The following SNTG2 variants were observed in gnomAD, a reference collection of about 807,000 sequenced individuals.
SNTG2 encodes syntrophin gamma 2, also known as gamma-2-syntrophin.
SNTG2 carries 74 observed loss-of-function variants against 70.9 expected under a neutral mutation model. That is an observed-to-expected ratio of 1.04 (90% CI 0.86 to 1.27). The LOEUF (loss-of-function observed/expected upper bound fraction) is 1.27. SNTG2 is among the 50% of genes most tolerant of loss of function. The pLI is 0.00. For synonymous variants in SNTG2, 278 were observed against 273.8 expected (o/e 1.02, Z -0.15); for missense variants, 717 against 690.7 (o/e 1.04, Z -0.43).
intron 4 of SNTG2, chr2:1,102,856 G>A (rs1665868427): frequency 1.3e-5 from 2 of 152,368 alleles, no homozygotes; most frequent in Non-Finnish European, 2.9e-5. Context: ...CTTGCCTGAT[G>A]TCCGAGTGGA....
At chr2:1,004,577 T>G (rs1384239643) in intron 1 of SNTG2, among the ~76,000 whole-genome samples, 1 of 152,198 alleles carries the variant, frequency 6.6e-6, no homozygotes, top group Non-Finnish European at 1.5e-5. Context: ...CAATGTCACA[T>G]GTCAGGGAAT....
At chr2:1,187,186 A>G (rs778455267) in intron 8 of SNTG2, among the ~76,000 whole-genome samples, 12 of 152,256 alleles carry the variant, frequency 7.9e-5, no homozygotes, top group Non-Finnish European at 1.0e-4. Context: ...CAAATTCAGA[A>G]AGAACAATGT....
intron 16 of SNTG2, among the ~76,000 whole-genome samples, chr2:1,339,268 T>C (rs1659967413): frequency 6.6e-6 from 1 of 152,244 alleles, no homozygotes; most frequent in Non-Finnish European, 1.5e-5. Flanking sequence ...CATTAAATCC[T>C]TCTAAGATAT....
At chr2:986,100 A>C (rs1452682062) in intron 1 of SNTG2, among the ~76,000 whole-genome samples, 2 of 151,676 alleles carry the variant, frequency 1.3e-5, no homozygotes, top group African/African-American at 4.8e-5. Context: ...AGAGAGAGAG[A>C]GAGAGAGAGA....
chr2:1,115,837 A>T (rs1194873043), intron 4 of SNTG2, among the ~76,000 whole-genome samples: 1 of 152,224 alleles, frequency 6.6e-6, no homozygotes, highest in Non-Finnish European at 1.5e-5. Context: ...CAGTCACTGA[A>T]GTTTGGGGAA....
chr2:1,215,704 C>G (rs1316667572), intron 9 of SNTG2, among the ~76,000 whole-genome samples: 1 of 137,760 alleles, frequency 7.3e-6, no homozygotes, highest in Non-Finnish European at 1.6e-5. Context: ...TCCCTCCCCC[C>G]TCCCCCAACC....
intron 9 of SNTG2, among the ~76,000 whole-genome samples, chr2:1,225,490 G>C (rs555390822): frequency 6.6e-6 from 1 of 152,312 alleles, no homozygotes; most frequent in East Asian, 1.9e-4. Context: ...GAAAAGCAGT[G>C]CCAGGAGGTG....
chr2:1,171,429 C>T (rs1671117831), intron 7 of SNTG2, among the ~76,000 whole-genome samples: 1 of 152,162 alleles, frequency 6.6e-6, no homozygotes. Flanking sequence ...TTTTGATTTT[C>T]CTCTCCAATT....
chr2:1,008,304 C>T lies in SNTG2; in HGVS notation c.72+57236C>T, dbSNP rs529639847. Among the ~76,000 whole-genome samples, 5 of 152,220 alleles carry T rather than the reference C, an allele frequency of 3.3e-5. No homozygotes were observed. The East Asian group carries it at 9.6e-4, about 29-fold the overall frequency. On this transcript the variant is annotated intron_variant, in intron 1 of 16. Coordinates refer to ENST00000308624, the MANE Select transcript of SNTG2 (RefSeq NM_018968.4). Reference sequence around the variant, plus strand: ...ACACTCACCATTTATAAGCAGATTCCAGTAATTTTACATCTATTTTATTTC... The same window carrying T: ...ACACTCACCATTTATAAGCAGATTCTAGTAATTTTACATCTATTTTATTTC...
chr2:1,074,535 T>C (rs1360202309), intron 1 of SNTG2, among the ~76,000 whole-genome samples: 1 of 152,204 alleles, frequency 6.6e-6, no homozygotes, highest in Non-Finnish European at 1.5e-5. Context: ...AAGGTATTGT[T>C]AAGTAATCAG....
At chr2:1,258,988 A>G (rs62106569) in intron 12 of SNTG2, among the ~76,000 whole-genome samples, 13,777 of 152,278 alleles carry the variant, frequency 0.09, 691 homozygotes, top group South Asian at 0.15. Context: ...TCACTTTCAC[A>G]TGCATTAAAT....
At chr2:1,020,486 C>T (rs1452736949) in intron 1 of SNTG2, among the ~76,000 whole-genome samples, 2 of 152,218 alleles carry the variant, frequency 1.3e-5, no homozygotes, top group African/African-American at 4.8e-5. Context: ...AAAACCCACT[C>T]AGCATCTGCA....
chr2:1,188,800 C>CTGTA (rs1341703298), intron 8 of SNTG2, among the ~76,000 whole-genome samples: 1 of 152,090 alleles, frequency 6.6e-6, no homozygotes, highest in Non-Finnish European at 1.5e-5. Flanking sequence ...TGGGTTTGAA[C>CTGTA]TGTAATATTA....
chr2:1,266,209 G>A (rs1368937100), intron 13 of SNTG2, among the ~76,000 whole-genome samples: 2 of 152,100 alleles, frequency 1.3e-5, no homozygotes, highest in Non-Finnish European at 2.9e-5. Flanking sequence ...GAGACAGAGA[G>A]GTGCCAGCCA....
chr2:1,203,496 T>TA (rs567779451), intron 8 of SNTG2, among the ~76,000 whole-genome samples: 65 of 135,124 alleles, frequency 4.8e-4, no homozygotes, highest in African/African-American at 8.6e-4. Flanking sequence ...CATCTCTACT[T>TA]AAAAAAAAAA....
chr2:1,116,136 G>A lies in SNTG2; in HGVS notation c.325+17726G>A, dbSNP rs184317870. ...GGGATGTAATCGTAGGTGGTTGGATGTGGCGTCTTCAGAGCTTAGGGTGCT... is the reference window on the plus strand; with the variant it reads ...GGGATGTAATCGTAGGTGGTTGGATATGGCGTCTTCAGAGCTTAGGGTGCT... On this transcript the variant is annotated intron_variant, in intron 4 of 16. Transcript: ENST00000308624. Among the ~76,000 whole-genome samples, 140 of 152,368 alleles carry A rather than the reference G, an allele frequency of 9.2e-4. 1 individual carries two copies. Among genetic ancestry groups the A allele is most frequent in the African/African-American group, 3.2e-3 (131 of 41,584 alleles).
At chr2:1,290,327 T>G (rs1206513854) in intron 14 of SNTG2, among the ~76,000 whole-genome samples, 1 of 151,590 alleles carries the variant, frequency 6.6e-6, no homozygotes. Context: ...CTTTTTTTTT[T>G]TTTTTGAGAT....
chr2:1,065,013 G>A (rs961944101), intron 1 of SNTG2, among the ~76,000 whole-genome samples: 2 of 152,230 alleles, frequency 1.3e-5, no homozygotes, highest in African/African-American at 4.8e-5. Context: ...AGACGCGGTG[G>A]ATTGTGGGAA....
intron 8 of SNTG2, among the ~76,000 whole-genome samples, chr2:1,189,917 A>C (rs1029480890): frequency 6.6e-6 from 1 of 152,184 alleles, no homozygotes; most frequent in Non-Finnish European, 1.5e-5. Flanking sequence ...AAAATAAGGA[A>C]GCTTAGAATA....
Sources: allele counts gnomAD v4.1 joint callset (sites outside exome capture counted in the v4.1 genomes callset), GRCh38; gene constraint gnomAD v4.1.1; transcripts MANE v1.5; gene names NCBI Gene and HGNC (gene_info 2026-07-23, HGNC 2026-07-21).